N4BP2: variants seen among roughly 807,000 people sequenced by gnomAD.
The protein encoded by N4BP2 is NEDD4 binding protein 2.
N4BP2 carries 91 observed loss-of-function variants against 152.8 expected under a neutral mutation model. The ratio of observed to expected loss-of-function variants is 0.60; its 90% CI spans 0.50 to 0.71. N4BP2 has a LOEUF of 0.71. N4BP2 is among the 30% of genes least tolerant of loss of function. N4BP2 has a pLI of 0.00. For missense variants in N4BP2, 1,923 were observed against 2,059.1 expected (o/e 0.93, Z 1.28); for synonymous variants, 646 against 705.3 (o/e 0.92, Z 1.33).
In N4BP2 at chr4:40,156,207, G is replaced by A. The variant is rs1448804877; in HGVS notation, c.*1970G>A. ...GTGCAGCTGCATACTCACTTTCTGT[G>A]TTTTTATATTTCCTTACCTAGTTTT... On this transcript the variant is annotated 3_prime_UTR_variant, in exon 18 of 18. Transcript: ENST00000261435. 6.6e-6 allele frequency: 1 copy of A among 152,044 alleles called. No homozygotes were observed. The highest frequency in any genetic ancestry group is 1.5e-5 in the Non-Finnish European group (1 of 67,972). 9.4% of individuals were successfully genotyped at this position (152,044 alleles called of 1,614,324 possible). A position where few individuals can be genotyped will look rare whatever the true frequency, so the allele number is the denominator to read the frequency against.
At chr4:40,084,284 A>T (rs972083892) in intron 2 of N4BP2, among the ~76,000 whole-genome samples, 1 of 152,212 alleles carries the variant, frequency 6.6e-6, no homozygotes, top group Non-Finnish European at 1.5e-5. Context: ...GATTTGCTGA[A>T]TGATGAGGTG....
At chr4:40,145,142 A>T (rs979268851) in intron 16 of N4BP2, among the ~76,000 whole-genome samples, 1 of 152,108 alleles carries the variant, frequency 6.6e-6, no homozygotes, top group Admixed American at 6.5e-5. Flanking sequence ...TATTTCTTGG[A>T]TTTCAATTTT....
chr4:40,063,775 C>T (rs953677410), intron 1 of N4BP2, among the ~76,000 whole-genome samples: 9 of 151,958 alleles, frequency 5.9e-5, no homozygotes, highest in African/African-American at 2.2e-4. Flanking sequence ...TCCCGAGTAG[C>T]TGGGATTACA....
At chr4:40,123,426 T>G (rs1246255951) in intron 10 of N4BP2, among the ~76,000 whole-genome samples, 1 of 152,212 alleles carries the variant, frequency 6.6e-6, no homozygotes, top group Admixed American at 6.5e-5. Context: ...GTTTAAGTAT[T>G]TCCAGACAGC....
chr4:40,066,843 T>G (rs1711571006), intron 1 of N4BP2, among the ~76,000 whole-genome samples: 2 of 152,136 alleles, frequency 1.3e-5, no homozygotes, highest in East Asian at 1.9e-4. Flanking sequence ...ACTGAAACTC[T>G]GTACCCAGTG....
the N4BP2 span, among the ~76,000 whole-genome samples, chr4:40,183,029 T>G: frequency 4.6e-5 from 7 of 152,230 alleles, no homozygotes; most frequent in Admixed American, 2.6e-4. Flanking sequence ...ATTTAGAAAA[T>G]AGAGGAATGT....
intron 6 of N4BP2, among the ~76,000 whole-genome samples, chr4:40,112,657 C>T (rs1207676698): frequency 6.6e-6 from 1 of 151,910 alleles, no homozygotes; most frequent in African/African-American, 2.4e-5. Context: ...CTTTACCTGA[C>T]CTATACCTAA....
At chr4:40,122,434 C>T (rs1278598071) in intron 9 of N4BP2, 125 bp downstream of exon 9, 3 of 542,402 alleles carry the variant, frequency 5.5e-6, no homozygotes, top group African/African-American at 3.9e-5. Context: ...AGTGCAGTGC[C>T]TCAATCTTGG....
chr4:40,107,868 A>G, intron 5 of N4BP2, among the ~76,000 whole-genome samples: 1 of 151,744 alleles, frequency 6.6e-6, no homozygotes, highest in East Asian at 1.9e-4. Flanking sequence ...AAGTAAATCT[A>G]ATTTTCTGCT....
the N4BP2 span, among the ~76,000 whole-genome samples, chr4:40,165,662 C>T: frequency 6.6e-6 from 1 of 151,890 alleles, no homozygotes; most frequent in South Asian, 2.1e-4. Flanking sequence ...TCTCTATGTA[C>T]GTGTGTGTGT....
chr4:40,173,741 C>T, the N4BP2 span, among the ~76,000 whole-genome samples: 3 of 152,150 alleles, frequency 2.0e-5, no homozygotes, highest in Non-Finnish European at 4.4e-5. Flanking sequence ...AGAGCCTGGG[C>T]CGAACTCTTG....
intron 2 of N4BP2, among the ~76,000 whole-genome samples, 175 bp downstream of exon 2, chr4:40,073,726 T>C (rs957811931): frequency 1.3e-5 from 2 of 152,102 alleles, no homozygotes; most frequent in African/African-American, 4.8e-5. Context: ...CCCGAGTAGC[T>C]GGGACTACAG....
At chr4:40,073,949 C>T (rs1292545845) in intron 2 of N4BP2, among the ~76,000 whole-genome samples, 2 of 150,570 alleles carry the variant, frequency 1.3e-5, no homozygotes, top group East Asian at 3.9e-4. Context: ...CATGCCACCA[C>T]ATCCAGCTAA....
intron 1 of N4BP2, among the ~76,000 whole-genome samples, chr4:40,063,978 C>T (rs966446160): frequency 1.3e-4 from 19 of 151,278 alleles, no homozygotes; most frequent in Admixed American, 3.3e-4. Flanking sequence ...ATTGGTGGGG[C>T]GGCAGGGGGG....
Position 40,121,065 on chromosome 4 carries a change from C to T in N4BP2, c.2954C>T (p.Thr985Ile). 6.2e-7 allele frequency: 1 copy of T among 1,614,056 alleles called. No homozygotes were observed. Among genetic ancestry groups the T allele is most frequent in the Non-Finnish European group, 8.5e-7 (1 of 1,179,998 alleles). Residue 985 changes from threonine (T) to isoleucine (I), a missense_variant, in exon 9 of 18, where the codon ACT becomes ATT. Physicochemically the swap from Thr to Ile is moderately conservative, Grantham distance 89. Coordinates refer to ENST00000261435, the MANE Select transcript of N4BP2 (RefSeq NM_018177.6). ...CTTACTTTTACCAATAGTGCACCAA[C>T]TGTTTCTGGAGTAGTAGAACCACAA... The part of the protein sequence containing the change: ...LPLTFTNSAP[T>I]VSGVVEPQTL...
intron 16 of N4BP2, among the ~76,000 whole-genome samples, chr4:40,145,678 G>A (rs1720448419): frequency 6.6e-6 from 1 of 152,150 alleles, no homozygotes; most frequent in Non-Finnish European, 1.5e-5. Context: ...TTCTATAGAG[G>A]ATGAATTAAT....
intron 3 of N4BP2, among the ~76,000 whole-genome samples, chr4:40,098,195 G>A (rs1381119052): frequency 1.3e-5 from 2 of 152,158 alleles, no homozygotes; most frequent in African/African-American, 4.8e-5. Flanking sequence ...GCAAATAAGA[G>A]CTGATTAAGA....
chr4:40,166,656 T>C, the N4BP2 span: 1 of 151,792 alleles, frequency 6.6e-6, no homozygotes, highest in East Asian at 1.9e-4. Flanking sequence ...ACCATTGCAC[T>C]CCAGCCTGGG....
At position 40,097,366 on chromosome 4, in the gene N4BP2, G is replaced by C. The variant is rs752426641; in HGVS notation, c.26G>C (p.Gly9Ala). 6.2e-7 allele frequency: 1 copy of C among 1,613,740 alleles called. No homozygotes were observed. Among genetic ancestry groups the C allele is most frequent in the South Asian group, 1.1e-5 (1 of 91,000 alleles). ...ATGCCAAGGAGAAGGAAAAATCTTG[G>C]GGGAAATCCTTTTCGGAAGACTGCA... MPRRRKNL[G>A]GNPFRKTANP... Residue 9 changes from glycine (G) to alanine (A), a missense_variant, in exon 3 of 18, where the codon GGG becomes GCG. Coordinates refer to ENST00000261435, the MANE Select transcript of N4BP2 (RefSeq NM_018177.6).
Sources: gnomAD v4.1 joint callset for allele counts (sites outside exome capture counted in the v4.1 genomes callset) on GRCh38, gnomAD v4.1.1 for gene constraint, MANE v1.5 for transcripts, NCBI Gene and HGNC (gene_info 2026-07-23, HGNC 2026-07-21) for gene names.